Variants in ARHGAP5 observed in about 807,000 individuals in gnomAD.
ARHGAP5 encodes the protein Rho GTPase activating protein 5, also known as rho GTPase-activating protein 5.
In ARHGAP5, 23 loss-of-function variants were observed where a neutral mutation model predicts 116.6. The observed-to-expected ratio is 0.20, with a 90% confidence interval of 0.14 to 0.28. The LOEUF is 0.28. Among genes scored for constraint, ARHGAP5 ranks in the 10% least tolerant of loss-of-function variants. The pLI, the probability that ARHGAP5 is intolerant of heterozygous loss-of-function variation, is 1.00. For synonymous variants in ARHGAP5, 574 were observed against 602.0 expected (o/e 0.95, Z 0.68); for missense variants, 1,405 against 1,774.8 (o/e 0.79, Z 3.74).
Position 32,155,827 on chromosome 14 carries a change from A to T in ARHGAP5, c.*879A>T, listed in dbSNP as rs879185490. Reference sequence around the variant, plus strand: ...ATAGTGTAGAAAATACTTCCATGACATTTTCATATAAGGTTATATAACTTT... The same window carrying T: ...ATAGTGTAGAAAATACTTCCATGACTTTTTCATATAAGGTTATATAACTTT... On this transcript the variant is annotated 3_prime_UTR_variant, in exon 7 of 7. Transcript: ENST00000345122. The T allele has an allele frequency of 2.0e-5, 3 of 152,534 alleles. No individual in the cohort carries two copies. In the South Asian group the frequency reaches 6.2e-4, roughly 32 times the overall value. The allele number at this position is 152,534 out of a possible 1,614,324, so 9.4% of individuals were successfully genotyped here. A position where few individuals can be genotyped will look rare whatever the true frequency, so the allele number is the denominator to read the frequency against.
chr14:32,118,769 G>A (rs1594369135), intron 3 of ARHGAP5, among the ~76,000 whole-genome samples: 2 of 152,134 alleles, frequency 1.3e-5, no homozygotes, highest in South Asian at 4.1e-4. Context: ...ATTTTCTCTA[G>A]TATTATAATT....
chr14:32,134,886 T>C (rs1258582799), intron 3 of ARHGAP5, among the ~76,000 whole-genome samples: 2 of 152,220 alleles, frequency 1.3e-5, no homozygotes, highest in Admixed American at 1.3e-4. Flanking sequence ...AGCCATCACG[T>C]TTACAAGAAT....
rs1881896569 is a variant in ARHGAP5 at position 32,156,436 on chromosome 14, A to G, written c.*1488A>G. ...ATAAATATTGTCTCTCCCAACTGTTAAGTTCTAGGTATTGTACTTCCAATT... is the reference window on the plus strand; with the variant it reads ...ATAAATATTGTCTCTCCCAACTGTTGAGTTCTAGGTATTGTACTTCCAATT... On this transcript the variant is annotated 3_prime_UTR_variant, in exon 7 of 7. Coordinates refer to ENST00000345122, the MANE Select transcript of ARHGAP5 (RefSeq NM_001030055.2). The G allele has an allele frequency of 6.6e-6, 1 of 152,280 alleles. No homozygotes were observed. The highest frequency in any genetic ancestry group is 1.5e-5 in the Non-Finnish European group (1 of 67,818). 9.4% of individuals were successfully genotyped at this position (152,280 alleles called of 1,614,324 possible).
At chr14:32,123,403 C>G (rs1300437673) in intron 3 of ARHGAP5, among the ~76,000 whole-genome samples, 5 of 151,420 alleles carry the variant, frequency 3.3e-5, no homozygotes, top group Non-Finnish European at 7.4e-5. Flanking sequence ...CCATTTAAGT[C>G]TTTCTTTTTA....
rs1880201951 is a variant in ARHGAP5 at position 32,127,117 on chromosome 14, C to T, written c.3865+9830C>T. Among the ~76,000 whole-genome samples the T allele has an allele frequency of 2.0e-5, 3 of 151,442 alleles. No homozygotes were observed. In the South Asian group the frequency reaches 6.2e-4, roughly 31 times the overall value. ...GGTTCAAGTGATTCTCCTGCCTCAG[C>T]CTCCCAAGTAGCTGGGACCACAGGT... On this transcript the variant is annotated intron_variant, in intron 3 of 6. Transcript: ENST00000345122.
chr14:32,117,059 C>T lies in ARHGAP5; in HGVS notation c.3718-81C>T, dbSNP rs964788803. ...TGGCTATAAAATTTTTCTTTTGATC[C>T]GAACCGTGTATTTACATTGCTCATT... On this transcript the variant is annotated intron_variant, in intron 2 of 6. Transcript: ENST00000345122. 3.6e-6 allele frequency: 4 copies of T among 1,120,126 alleles called. No homozygotes were observed. In the African/African-American group the frequency reaches 4.8e-5, roughly 14 times the overall value. The allele number at this position is 1,120,126 out of a possible 1,614,324, so 69.4% of individuals were successfully genotyped here. A position where few individuals can be genotyped will look rare whatever the true frequency, so the allele number is the denominator to read the frequency against.
chr14:32,106,565 T>C (rs1311295767), intron 2 of ARHGAP5, among the ~76,000 whole-genome samples: 1 of 152,218 alleles, frequency 6.6e-6, no homozygotes, highest in Non-Finnish European at 1.5e-5. Flanking sequence ...TTATGTTGCT[T>C]TCTGGGGGGC....
intron 1 of ARHGAP5, among the ~76,000 whole-genome samples, chr14:32,089,602 A>G (rs1212826603): frequency 1.3e-5 from 2 of 151,938 alleles, no homozygotes; most frequent in Non-Finnish European, 2.9e-5. Flanking sequence ...AAATAATTCT[A>G]AAAGATTGTC....
intron 1 of ARHGAP5, among the ~76,000 whole-genome samples, chr14:32,089,476 T>C (rs1310046912): frequency 2.6e-5 from 4 of 151,956 alleles, no homozygotes; most frequent in Non-Finnish European, 5.9e-5. Context: ...CTCAAAAGAA[T>C]GTGAAAAATC....
At chr14:32,147,986 G>A (rs938140615) in intron 4 of ARHGAP5, among the ~76,000 whole-genome samples, 2 of 152,046 alleles carry the variant, frequency 1.3e-5, no homozygotes, top group Admixed American at 6.6e-5. Flanking sequence ...AACCCCATCT[G>A]TACTAAAATG....
chr14:32,158,314 T>C lies in ARHGAP5; in HGVS notation c.*3366T>C, dbSNP rs1003009088. The C allele has an allele frequency of 6.6e-6, 1 of 151,914 alleles. No homozygotes were observed. Among genetic ancestry groups the C allele is most frequent in the Admixed American group, 6.6e-5 (1 of 15,260 alleles). 9.4% of individuals were successfully genotyped at this position (151,914 alleles called of 1,614,324 possible). ...GGAGATTCAAAATTTTTTCTGGGGA[T>C]GTATATAGGTGAAAATTTGATTTTT... is the stretch of plus-strand genomic sequence containing the variant. On this transcript the variant is annotated 3_prime_UTR_variant, in exon 7 of 7. Coordinates refer to ENST00000345122, the MANE Select transcript of ARHGAP5 (RefSeq NM_001030055.2).
At chr14:32,131,255 T>C (rs561034289) in intron 3 of ARHGAP5, among the ~76,000 whole-genome samples, 8 of 145,986 alleles carry the variant, frequency 5.5e-5, no homozygotes, top group South Asian at 2.1e-4. Context: ...CATACTTCTT[T>C]TTTTTTTTTT....
intron 4 of ARHGAP5, 116 bp from the exon 5 acceptor site, chr14:32,149,786 A>G: frequency 3.5e-6 from 2 of 565,586 alleles, no homozygotes; most frequent in Non-Finnish European, 5.4e-6. Context: ...AAAAAAAAAG[A>G]AAAAGAAAAG....
At chr14:32,138,991 T>A (rs1028549460) in intron 3 of ARHGAP5, among the ~76,000 whole-genome samples, 3 of 152,162 alleles carry the variant, frequency 2.0e-5, no homozygotes, top group African/African-American at 7.2e-5. Context: ...TGATTTATTC[T>A]ATTAATGTGG....
intron 3 of ARHGAP5, 120 bp from the exon 4 acceptor site, chr14:32,146,143 C>A: frequency 1.5e-6 from 1 of 650,202 alleles, no homozygotes; most frequent in Non-Finnish European, 2.6e-6. Flanking sequence ...AACTCCTGGG[C>A]CAAGCAGTTC....
intron 2 of ARHGAP5, among the ~76,000 whole-genome samples, chr14:32,105,919 A>G (rs891420067): frequency 6.6e-6 from 1 of 152,174 alleles, no homozygotes; most frequent in African/African-American, 2.4e-5. Context: ...AATGCCCTTG[A>G]GATTCAGCCA....
chr14:32,092,412 T>C lies in ARHGAP5; in HGVS notation c.1743T>C (p.His581=), dbSNP rs199609559. The stretch of plus-strand genomic sequence containing the variant: ...CTAGTAGTCTTTTACAGTTGGATCA[T>C]GGCCGCTTAAGATTATATCACGATA... ...LLASSLLQLD[H]GRLRLYHDST... is the part of the protein sequence containing the mutation. The change falls in exon 2 of 7, where the codon CAT becomes CAC. Residue 581 remains histidine, a synonymous_variant. Coordinates refer to ENST00000345122, the MANE Select transcript of ARHGAP5 (RefSeq NM_001030055.2). This position sits in a 1 kb window ranked among gnomAD's most constrained non-coding sequence, Gnocchi z 4.1. 7.0e-5 allele frequency: 113 copies of C among 1,613,584 alleles called. No homozygotes were observed. The East Asian group carries it at 2.4e-3, about 35-fold the overall frequency.
At position 32,093,308 on chromosome 14, in the gene ARHGAP5, A is replaced by G. The variant is rs1171316027; in HGVS notation, c.2639A>G (p.Gln880Arg). ...LSEVQDTIPVQLVAVTDSQAD... is the reference protein window; with the variant it reads ...LSEVQDTIPVRLVAVTDSQAD... The stretch of plus-strand genomic sequence containing the variant: ...GAAGTTCAAGACACCATTCCTGTAC[A>G]GCTGGTGGCAGTTACTGACAGCCAA... The change falls in exon 2 of 7, where the codon CAG (glutamine) becomes CGG (arginine). Residue 880 changes from glutamine (Q) to arginine (R), a missense_variant. By Grantham distance (43) the Gln-to-Arg change is conservative (BLOSUM62 1). Transcript: ENST00000345122. The G allele has an allele frequency of 1.2e-6, 2 of 1,613,960 alleles. No homozygotes were observed. The highest frequency in any genetic ancestry group is 1.6e-4 in the Middle Eastern group (1 of 6,062).
Position 32,085,196 on chromosome 14 carries a change from C to T in ARHGAP5, c.-168-5306C>T, listed in dbSNP as rs181208122. On this transcript the variant is annotated intron_variant, in intron 1 of 6. Transcript: ENST00000345122. ...GGAGGTGGCTCACGTCTGTAATACC[C>T]ATACCTTGGGAGGCTGATGGAAGAG... 3.9e-5 allele frequency among the ~76,000 whole-genome samples: 6 copies of T among 152,074 alleles called. No individual in the cohort carries two copies. The East Asian group carries it at 1.2e-3, about 29-fold the overall frequency.
Sources: allele counts gnomAD v4.1 joint callset (sites outside exome capture counted in the v4.1 genomes callset), GRCh38; gene constraint gnomAD v4.1.1; non-coding constraint Gnocchi (gnomAD v3.1); transcripts MANE v1.5; gene names NCBI Gene and HGNC (gene_info 2026-07-23, HGNC 2026-07-21).